Variants in IGF2 observed in about 807,000 individuals in gnomAD.
IGF2 encodes insulin like growth factor 2.
In IGF2, 2 loss-of-function variants were observed where a neutral mutation model predicts 12.0. That is an observed-to-expected ratio of 0.17 (90% CI 0.07 to 0.52). The LOEUF (loss-of-function observed/expected upper bound fraction) is 0.52. IGF2 is among the 20% of genes least tolerant of loss of function. The probability of loss-of-function intolerance (pLI) is 0.95; values close to 1 mark genes in which losing one functional copy is unlikely to be tolerated. For missense variants in IGF2, 211 were observed against 268.0 expected, an observed-to-expected ratio of 0.79 and a Z score of 1.48; for synonymous variants, 105 against 110.1, an observed-to-expected ratio of 0.95 and a Z score of 0.29.
chr11:2,146,393 C>CCT, the IGF2 span: 1 of 534,730 alleles, frequency 1.9e-6, no homozygotes, highest in East Asian at 5.4e-5. Flanking sequence ...CGCTCACTCC[C>CCT]CTCGCTGGGG....
At position 2,133,424 on chromosome 11, in the gene IGF2, G is replaced by T; in HGVS notation, c.306+93C>A. 7.2e-7 allele frequency: 1 copy of T among 1,397,286 alleles called. No individual in the cohort carries two copies. Among genetic ancestry groups the T allele is most frequent in the Non-Finnish European group, 9.6e-7 (1 of 1,037,490 alleles). The allele number at this position is 1,397,286 out of a possible 1,614,324, so 86.6% of individuals were successfully genotyped here. On this transcript the variant is annotated intron_variant, in intron 3 of 3. Transcript: ENST00000416167. This position sits in a 1 kb window ranked among gnomAD's most constrained non-coding sequence, Gnocchi z 8.9. The stretch of plus-strand genomic sequence containing the variant: ...AGGAAGTCACGGGTCCTTGTCCCTG[G>T]CCAAGAGGTCCCAGAGGCCACAGGA...
Position 2,138,335 on chromosome 11 carries a change from G to A in IGF2, c.-113C>T. ...CTCCTCTGCCAGCGCCGCTCTGGCCGAGTCGCGGGGGCCGAATGTGCGACG... is the reference window on the plus strand; with the variant it reads ...CTCCTCTGCCAGCGCCGCTCTGGCCAAGTCGCGGGGGCCGAATGTGCGACG... On this transcript the variant is annotated 5_prime_UTR_variant, in exon 1 of 4. Transcript: ENST00000416167. The A allele has an allele frequency of 1.0e-6, 1 of 983,704 alleles. No homozygotes were observed. The highest frequency in any genetic ancestry group is 1.2e-6 in the Non-Finnish European group (1 of 829,166). 60.9% of individuals were successfully genotyped at this position (983,704 alleles called of 1,614,324 possible).
rs763795580 is a variant in IGF2 at position 2,131,903 on chromosome 11, TTG to T, written c.*1082_*1083del. Reference sequence around the variant, plus strand: ...CTGTGCGTTTGTGTGTGCTGTGCGTTTGTGTGTGTGCTGTGTGTGCATGTGTG... The same window carrying T: ...CTGTGCGTTTGTGTGTGCTGTGCGTTTGTGTGTGCTGTGTGTGCATGTGTG... On this transcript the variant is annotated 3_prime_UTR_variant, in exon 4 of 4. Coordinates refer to ENST00000416167, the MANE Select transcript of IGF2 (RefSeq NM_000612.6). 200 of 155,836 alleles carry T rather than the reference TTG, an allele frequency of 1.3e-3. No homozygotes were observed. Among genetic ancestry groups the T allele is most frequent in the African/African-American group, 6.2e-3 (179 of 28,694 alleles). The allele number at this position is 155,836 out of a possible 1,614,324, so 9.7% of individuals were successfully genotyped here.
chr11:2,138,782 G>GCC lies in IGF2; in HGVS notation c.-562_-561dup. 1 of 948,674 alleles carries GCC rather than the reference G, an allele frequency of 1.1e-6. No homozygotes were observed. Among genetic ancestry groups the GCC allele is most frequent in the Non-Finnish European group, 1.3e-6 (1 of 797,992 alleles). The allele number at this position is 948,674 out of a possible 1,614,324, so 58.8% of individuals were successfully genotyped here. On this transcript the variant is annotated 5_prime_UTR_variant, in exon 1 of 4. Transcript: ENST00000416167. ...GAAGGTTGCGGGAGAAAGAGCGGGG[G>GCC]CCGGGGCCAGACGCCAAGAGGGGCG...
At chr11:2,134,283 C>T in intron 2 of IGF2, 1 of 397,020 alleles carries the variant, frequency 2.5e-6, no homozygotes, top group Non-Finnish European at 5.0e-6. Flanking sequence ...AGGGCAGGTG[C>T]CATCAGCCGG....
At chr11:2,145,469 G>A (rs1377482645), upstream of IGF2, among the ~76,000 whole-genome samples, 3 of 152,224 alleles carry the variant, frequency 2.0e-5, no homozygotes, top group Non-Finnish European at 2.9e-5. Context: ...TGGGCATCGG[G>A]GGTGAGCCCC....
chr11:2,147,835 A>AGAT, the IGF2 span: 1 of 1,236,980 alleles, frequency 8.1e-7, no homozygotes, highest in African/African-American at 1.6e-5. The surrounding 1 kb of genome is among the most constrained non-coding windows in gnomAD (Gnocchi z 7.2). Flanking sequence ...GATATTGCTG[A>AGAT]GATGACCTCT....
the IGF2 span, chr11:2,148,778 G>A: frequency 3.3e-6 from 1 of 301,870 alleles, no homozygotes. The surrounding 1 kb of genome is among the most constrained non-coding windows in gnomAD (Gnocchi z 4.3). Flanking sequence ...TCACACTTGT[G>A]AAGACAGCTG....
the IGF2 span, chr11:2,147,285 C>T: frequency 3.1e-6 from 1 of 326,192 alleles, no homozygotes; most frequent in Non-Finnish European, 5.5e-6. This position sits in a 1 kb window ranked among gnomAD's most constrained non-coding sequence, Gnocchi z 7.2. Context: ...CTCCCTGCCC[C>T]TCTCCCCTTC....
At chr11:2,140,720 C>T (rs377765595), upstream of IGF2, 153 of 419,486 alleles carry the variant, frequency 3.6e-4, 1 homozygote, top group Non-Finnish European at 5.3e-4. Flanking sequence ...AGTCCGCAGC[C>T]GTGTCCCGCG....
chr11:2,141,943 T>C (rs974389926), upstream of IGF2, among the ~76,000 whole-genome samples: 1 of 152,274 alleles, frequency 6.6e-6, no homozygotes, highest in Non-Finnish European at 1.5e-5. Flanking sequence ...TTCCTGGATG[T>C]CGTCTGCATT....
chr11:2,147,634 C>T, the IGF2 span: 184 of 1,243,714 alleles, frequency 1.5e-4, no homozygotes, highest in Non-Finnish European at 1.7e-4. The surrounding 1 kb of genome is among the most constrained non-coding windows in gnomAD (Gnocchi z 7.2). Flanking sequence ...GCGCTGGGGT[C>T]GCCTGGGCCA....
At chr11:2,137,590 G>C (rs1220157313) in intron 1 of IGF2, among the ~76,000 whole-genome samples, 1 of 152,052 alleles carries the variant, frequency 6.6e-6, no homozygotes, top group Admixed American at 6.5e-5. Flanking sequence ...CCACTGGGCA[G>C]GGGCCGCGGC....
the IGF2 span, chr11:2,148,931 G>A: frequency 1.7e-6 from 1 of 603,474 alleles, no homozygotes; most frequent in East Asian, 2.8e-5. This position sits in a 1 kb window ranked among gnomAD's most constrained non-coding sequence, Gnocchi z 4.3. Context: ...TCTCCACAAT[G>A]GCCTTTCCTG....
upstream of IGF2, among the ~76,000 whole-genome samples, chr11:2,143,930 C>T (rs992471906): frequency 6.6e-6 from 1 of 152,078 alleles, no homozygotes; most frequent in African/African-American, 2.4e-5. Context: ...AAGGCGCTGC[C>T]GGGGATTCAC....
chr11:2,140,595 C>T, upstream of IGF2: 1 of 506,964 alleles, frequency 2.0e-6, no homozygotes, highest in Non-Finnish European at 3.6e-6. Flanking sequence ...CCCTGCCCGC[C>T]CCACTTTGGG....
In IGF2 at chr11:2,135,364, T is replaced by C; in HGVS notation, c.157+3A>G. 6.2e-7 allele frequency: 1 copy of C among 1,608,622 alleles called. No homozygotes were observed. Among genetic ancestry groups the C allele is most frequent in the Non-Finnish European group, 8.5e-7 (1 of 1,177,342 alleles). ...TCTGAGGAAGCCCCTCCCAGCTACT[T>C]ACTGAAGTAGAAGCCGCGGTCCCCA... On this transcript the variant is annotated splice_donor_region_variant and intron_variant, in intron 2 of 3. Transcript: ENST00000416167.
chr11:2,138,730 G>A lies in IGF2; in HGVS notation c.-508C>T. The stretch of plus-strand genomic sequence containing the variant: ...GGGGGGAGGGAGTCGGAGGCTAGGA[G>A]CTGGGGGGGACGGGAGGGAGCGAAG... On this transcript the variant is annotated 5_prime_UTR_variant, in exon 1 of 4. Coordinates refer to ENST00000416167, the MANE Select transcript of IGF2 (RefSeq NM_000612.6). 2.4e-6 allele frequency: 1 copy of A among 412,682 alleles called. No individual in the cohort carries two copies. 25.6% of individuals were successfully genotyped at this position (412,682 alleles called of 1,614,324 possible).
upstream of IGF2, chr11:2,140,457 C>A (rs576301287): frequency 1.6e-6 from 1 of 643,344 alleles, no homozygotes; most frequent in Non-Finnish European, 2.6e-6. Context: ...CCCTCGCCCC[C>A]CTCGCTCCGC....
Sources: allele counts gnomAD v4.1 joint callset (sites outside exome capture counted in the v4.1 genomes callset), GRCh38; gene constraint gnomAD v4.1.1; non-coding constraint Gnocchi (gnomAD v3.1); transcripts MANE v1.5; gene names NCBI Gene and HGNC (gene_info 2026-07-23, HGNC 2026-07-21).